The following TG variants were observed in gnomAD, a reference collection of about 807,000 sequenced individuals.
TG encodes thyroid hormones.
TG carries 270 observed loss-of-function variants against 324.7 expected under a neutral mutation model. The observed-to-expected ratio is 0.83, with a 90% CI of 0.75 to 0.92. TG has a LOEUF of 0.92. Ranked by LOEUF, TG falls within the 40% of genes least tolerant of loss-of-function variation. TG has a pLI of 0.00. For synonymous variants in TG, 1,401 were observed against 1,327.0 expected (o/e 1.06, Z -1.21); for missense variants, 3,591 against 3,456.4 (o/e 1.04, Z -0.98).
intron 5 of TG, among the ~76,000 whole-genome samples, chr8:132,878,241 A>C (rs1405747296): frequency 6.6e-6 from 1 of 152,206 alleles, no homozygotes; most frequent in African/African-American, 2.4e-5. Flanking sequence ...AGGGGGGAAC[A>C]CTGTATGCCA....
At chr8:132,996,535 T>C (rs888644600) in intron 35 of TG, among the ~76,000 whole-genome samples, 11 of 136,414 alleles carry the variant, frequency 8.1e-5, no homozygotes, top group Admixed American at 2.8e-4. Context: ...CTATTTCTAT[T>C]GCCAATTTTT....
intron 41 of TG, among the ~76,000 whole-genome samples, chr8:133,066,503 G>A (rs1317226067): frequency 2.0e-5 from 3 of 152,162 alleles, no homozygotes; most frequent in East Asian, 3.9e-4. Context: ...ACTCTCTCTG[G>A]GTAGTGATTT....
At chr8:132,987,931 T>C (rs1293075750) in intron 35 of TG, among the ~76,000 whole-genome samples, 3 of 152,138 alleles carry the variant, frequency 2.0e-5, no homozygotes, top group Admixed American at 1.3e-4. Context: ...CCTTATCACA[T>C]AGTATGTACT....
chr8:133,058,330 CA>C (rs1429855393), intron 41 of TG, among the ~76,000 whole-genome samples: 3 of 152,094 alleles, frequency 2.0e-5, no homozygotes, highest in African/African-American at 7.2e-5. Context: ...TTCTCTTCAC[CA>C]GGGGGTGGAG....
At chr8:133,020,131 T>A (rs767775746) in intron 39 of TG, among the ~76,000 whole-genome samples, 25 of 152,140 alleles carry the variant, frequency 1.6e-4, no homozygotes, top group Non-Finnish European at 3.2e-4. Flanking sequence ...AGAGGCTAAG[T>A]GAGTTACATA....
At chr8:132,905,158 A>G (rs1264527075) in intron 16 of TG, among the ~76,000 whole-genome samples, 1 of 152,226 alleles carries the variant, frequency 6.6e-6, no homozygotes, top group Non-Finnish European at 1.5e-5. Flanking sequence ...GGAGGTAGGC[A>G]TTATTGCCAT....
At chr8:133,047,732 C>G in intron 41 of TG, 2 of 776,154 alleles carry the variant, frequency 2.6e-6, no homozygotes, top group Non-Finnish European at 4.7e-6. Context: ...TTTGCATGGA[C>G]GTAGGAGGAA....
At chr8:132,888,897 G>T (rs1319139987) in intron 10 of TG, among the ~76,000 whole-genome samples, 1 of 152,226 alleles carries the variant, frequency 6.6e-6, no homozygotes, top group Non-Finnish European at 1.5e-5. Context: ...AAGTGGAGAT[G>T]ACCTGGCCCT....
chr8:132,961,932 C>T (rs761096616), intron 28 of TG, among the ~76,000 whole-genome samples: 7 of 152,216 alleles, frequency 4.6e-5, no homozygotes, highest in African/African-American at 7.2e-5. Context: ...CTGTTCCTAT[C>T]AATCCCCATT....
At chr8:132,883,733 CAAAG>C (rs1587233744) in intron 8 of TG, among the ~76,000 whole-genome samples, 2 of 152,066 alleles carry the variant, frequency 1.3e-5, no homozygotes, top group East Asian at 3.9e-4. Flanking sequence ...AGGAGAGACT[CAAAG>C]AAGCAGTAGT....
At position 133,095,131 on chromosome 8, in the gene TG, C is replaced by G. The variant is rs946628708; in HGVS notation, c.7327C>G (p.Pro2443Ala). The G allele has an allele frequency of 6.2e-7, 1 of 1,614,076 alleles. No individual in the cohort carries two copies. Among genetic ancestry groups the G allele is most frequent in the African/African-American group, 1.3e-5 (1 of 74,922 alleles). Residue 2443 changes from proline (P) to alanine (A), a missense_variant, in exon 42 of 48, where the codon CCC becomes GCC. Coordinates refer to ENST00000220616, the MANE Select transcript of TG (RefSeq NM_003235.5). ...TGCTTTGGCAAAGGAGGTCAGTTGC[C>G]CCATGTCATCCAGCCAAGAAGTGGT... ...AIALAKEVSC[P>A]MSSSQEVVSC...
intron 23 of TG, 107 bp from the exon 24 acceptor site, chr8:132,933,454 G>T: frequency 2.5e-6 from 2 of 803,640 alleles, no homozygotes; most frequent in Non-Finnish European, 4.4e-6. Context: ...GTGTGTGTGT[G>T]TGTGTGTGTG....
At chr8:133,091,995 G>A (rs572537184) in intron 41 of TG, among the ~76,000 whole-genome samples, 3 of 152,152 alleles carry the variant, frequency 2.0e-5, no homozygotes, top group Admixed American at 6.5e-5. Context: ...GTCAGTGTCT[G>A]TGTGTGTCCT....
Position 132,985,358 on chromosome 8 carries a change from G to C in TG, c.6262+1946G>C, listed in dbSNP as rs144740177. ...AGAGACTTGAACATCTGTGAATTTTGGTAGCCATGGGTGGGAGGGGTCCTG... is the reference window on the plus strand; with the variant it reads ...AGAGACTTGAACATCTGTGAATTTTCGTAGCCATGGGTGGGAGGGGTCCTG... On this transcript the variant is annotated intron_variant, in intron 35 of 47. Transcript: ENST00000220616. 2.8e-4 allele frequency among the ~76,000 whole-genome samples: 43 copies of C among 152,148 alleles called. No individual in the cohort carries two copies. In the East Asian group the frequency reaches 8.1e-3, roughly 29 times the overall value.
intron 43 of TG, among the ~76,000 whole-genome samples, chr8:133,099,964 T>C (rs1318289881): frequency 2.0e-5 from 3 of 152,120 alleles, no homozygotes; most frequent in Admixed American, 2.0e-4. Context: ...CCTTTATAAG[T>C]CAGACCATTT....
chr8:133,026,937 A>G (rs1836143169), intron 40 of TG, among the ~76,000 whole-genome samples: 1 of 152,204 alleles, frequency 6.6e-6, no homozygotes. Context: ...TTCCCCTTAC[A>G]AGTATTAACT....
Position 133,126,473 on chromosome 8 carries a change from C to T in TG, c.7863-5339C>T, listed in dbSNP as rs999374578. ...GAATAAAATGTTCAGGTTAATCTAG[C>T]AAGATAGTTGAAAGTTTTGAGTCTA... On this transcript the variant is annotated intron_variant, in intron 45 of 47. Transcript: ENST00000220616. Among the ~76,000 whole-genome samples the T allele has an allele frequency of 4.0e-5, 6 of 149,286 alleles. No individual in the cohort carries two copies. In the South Asian group the frequency reaches 1.0e-3, roughly 26 times the overall value.
intron 16 of TG, among the ~76,000 whole-genome samples, chr8:132,904,296 G>C (rs968959510): frequency 8.5e-5 from 13 of 152,172 alleles, no homozygotes; most frequent in African/African-American, 3.1e-4. Flanking sequence ...AGCAGGTCTG[G>C]CTTCTAGTCC....
chr8:132,881,784 G>T, intron 5 of TG, 79 bp from the exon 6 acceptor site: 1 of 976,924 alleles, frequency 1.0e-6, no homozygotes, highest in Non-Finnish European at 1.7e-6. Flanking sequence ...GCGTGGACTT[G>T]GCCACATTTA....
Sources: gnomAD v4.1 joint callset for allele counts (sites outside exome capture counted in the v4.1 genomes callset) on GRCh38, gnomAD v4.1.1 for gene constraint, MANE v1.5 for transcripts, NCBI Gene and HGNC (gene_info 2026-07-23, HGNC 2026-07-21) for gene names.